Variants in PTGFR observed in about 807,000 individuals in gnomAD.
PTGFR encodes prostaglandin F2-alpha receptor.
In PTGFR, 15 loss-of-function variants were observed where a neutral mutation model predicts 26.2. The ratio of observed to expected loss-of-function variants is 0.57; its 90% CI spans 0.38 to 0.88. The LOEUF (loss-of-function observed/expected upper bound fraction) is 0.88. Ranked by LOEUF, PTGFR falls within the 40% of genes least tolerant of loss-of-function variation. The pLI, the probability that PTGFR is intolerant of heterozygous loss-of-function variation, is 0.00. For missense variants in PTGFR, 369 were observed against 427.2 expected (o/e 0.86, Z 1.20); for synonymous variants, 165 against 151.1 (o/e 1.09, Z -0.68).
At chr1:78,491,479 C>G (rs560885700) in intron 1 of PTGFR, among the ~76,000 whole-genome samples, 8 of 152,326 alleles carry the variant, frequency 5.3e-5, no homozygotes, top group Admixed American at 3.9e-4. Context: ...AGAGGGAAAT[C>G]GGCACAGATT....
intron 2 of PTGFR, among the ~76,000 whole-genome samples, chr1:78,508,102 A>T (rs1557651445): frequency 6.6e-6 from 1 of 151,724 alleles, no homozygotes; most frequent in Admixed American, 6.6e-5. Flanking sequence ...TTTTAACCTG[A>T]TTTTTTTTAA....
rs531443521 is a variant in PTGFR at position 78,498,748 on chromosome 1, C to G, written c.798+5207C>G. ...CAAACAAAATGGACTGTTCTATAGT[C>G]TTATATTAGATCTTGGAATATAGGT... On this transcript the variant is annotated intron_variant, in intron 2 of 2. Transcript: ENST00000370757. 2.6e-5 allele frequency among the ~76,000 whole-genome samples: 4 copies of G among 152,222 alleles called. No homozygotes were observed. The South Asian group carries it at 6.2e-4, about 24-fold the overall frequency.
chr1:78,529,542 G>C (rs1393000692), intron 2 of PTGFR, among the ~76,000 whole-genome samples: 1 of 152,020 alleles, frequency 6.6e-6, no homozygotes. Flanking sequence ...CCAAAGTAAG[G>C]CATATATACA....
At chr1:78,508,456 A>C (rs900410774) in intron 2 of PTGFR, among the ~76,000 whole-genome samples, 1 of 152,120 alleles carries the variant, frequency 6.6e-6, no homozygotes, top group Non-Finnish European at 1.5e-5. Flanking sequence ...TTGAATCATC[A>C]TGCCCTTCAT....
At chr1:78,508,756 T>C (rs931822144) in intron 2 of PTGFR, among the ~76,000 whole-genome samples, 68 of 152,318 alleles carry the variant, frequency 4.5e-4, no homozygotes, top group African/African-American at 1.6e-3. Flanking sequence ...CAGAGGGTCA[T>C]TGTTACTTTA....
At chr1:78,530,791 G>A (rs1245755329) in intron 2 of PTGFR, among the ~76,000 whole-genome samples, 1 of 152,142 alleles carries the variant, frequency 6.6e-6, no homozygotes, top group Non-Finnish European at 1.5e-5. Flanking sequence ...GCACCACTGG[G>A]AATGGTGTAG....
Position 78,493,140 on chromosome 1 carries a change from C to T in PTGFR, c.397C>T (p.Arg133Trp), listed in dbSNP as rs769693596. 10 of 1,614,038 alleles carry T rather than the reference C, an allele frequency of 6.2e-6. No homozygotes were observed. Among genetic ancestry groups the T allele is most frequent in the Admixed American group, 3.3e-5 (2 of 60,004 alleles). Residue 133 changes from arginine (R) to tryptophan (W), a missense_variant, in exon 2 of 3, where the codon CGG becomes TGG. Physicochemically the swap from Arg to Trp is moderately radical, Grantham distance 101. Coordinates refer to ENST00000370757, the MANE Select transcript of PTGFR (RefSeq NM_000959.4). Reference sequence around the variant, plus strand: ...TCTAGGCAGTGTGATGGCCATTGAGCGGTGTATTGGAGTCACAAAACCAAT... The same window carrying T: ...TCTAGGCAGTGTGATGGCCATTGAGTGGTGTATTGGAGTCACAAAACCAAT... ...LLLGSVMAIE[R>W]CIGVTKPIFH...
rs1257033703 is a variant in PTGFR, at chr1:78,536,432, T to C, written c.825T>C (p.Asn275=). 1.2e-6 allele frequency: 2 copies of C among 1,612,212 alleles called. No homozygotes were observed. The highest frequency in any genetic ancestry group is 1.6e-4 in the Middle Eastern group (1 of 6,066). ...TTACAATGGCCAACATTGGAATAAA[T>C]GGAAATCATTCTCTGGAAACCTGTG... ...FLVTMANIGI[N]GNHSLETCET... Residue 275 remains asparagine (N), a synonymous_variant, in exon 3 of 3, where the codon AAT becomes AAC. Coordinates refer to ENST00000370757, the MANE Select transcript of PTGFR (RefSeq NM_000959.4).
rs1052403717 is a variant in PTGFR at position 78,539,941 on chromosome 1, C to G, written c.*3254C>G. 3.9e-5 allele frequency among the ~76,000 whole-genome samples: 6 copies of G among 151,990 alleles called. No homozygotes were observed. The East Asian group carries it at 1.2e-3, about 29-fold the overall frequency. ...TGTGTCTCAACTTACCTAGGCAAGT[C>G]ATAATTTAGATAGAAATCTGATTTC... On this transcript the variant is annotated 3_prime_UTR_variant, in exon 3 of 3. Transcript: ENST00000370757.
chr1:78,521,635 A>AT (rs1285778363), intron 2 of PTGFR, among the ~76,000 whole-genome samples: 1 of 152,032 alleles, frequency 6.6e-6, no homozygotes, highest in Non-Finnish European at 1.5e-5. Context: ...GAGTCTAATC[A>AT]TTTTTTTAGG....
At position 78,511,633 on chromosome 1, in the gene PTGFR, C is replaced by T. The variant is rs185408739; in HGVS notation, c.798+18092C>T. ...TTCTGAAATGGCTTTGAGGCTTTTC[C>T]CTCATTGTCTTGTATATTAGCACAT... On this transcript the variant is annotated intron_variant, in intron 2 of 2. Coordinates refer to ENST00000370757, the MANE Select transcript of PTGFR (RefSeq NM_000959.4). Among the ~76,000 whole-genome samples the T allele has an allele frequency of 2.0e-4, 31 of 152,268 alleles. No homozygotes were observed. In the Middle Eastern group the frequency reaches 0.014, roughly 67 times the overall value.
At chr1:78,518,472 G>A (rs1218761220) in intron 2 of PTGFR, among the ~76,000 whole-genome samples, 2 of 151,284 alleles carry the variant, frequency 1.3e-5, no homozygotes, top group African/African-American at 4.9e-5. Context: ...TCTATTTCTT[G>A]ACCCTAGAGA....
chr1:78,524,390 C>A (rs1650318294), intron 2 of PTGFR, among the ~76,000 whole-genome samples: 1 of 151,968 alleles, frequency 6.6e-6, no homozygotes, highest in African/African-American at 2.4e-5. Flanking sequence ...ACTTCAGAAC[C>A]AAATACCTAG....
Position 78,537,635 on chromosome 1 carries a change from A to C in PTGFR, c.*948A>C, listed in dbSNP as rs1257804375. ...CAGAATCAATATATAAAATTCAAAGACTATCTGCAGCTAGTGTGTTTCTTC... is the reference window on the plus strand; with the variant it reads ...CAGAATCAATATATAAAATTCAAAGCCTATCTGCAGCTAGTGTGTTTCTTC... On this transcript the variant is annotated 3_prime_UTR_variant, in exon 3 of 3. Coordinates refer to ENST00000370757, the MANE Select transcript of PTGFR (RefSeq NM_000959.4). 1 of 152,124 alleles carries C rather than the reference A, an allele frequency of 6.6e-6. No individual in the cohort carries two copies. The highest frequency in any genetic ancestry group is 6.6e-5 in the Admixed American group (1 of 15,232). 9.4% of individuals were successfully genotyped at this position (152,124 alleles called of 1,614,324 possible).
intron 2 of PTGFR, among the ~76,000 whole-genome samples, chr1:78,525,692 T>A (rs1240931179): frequency 6.6e-6 from 1 of 152,102 alleles, no homozygotes; most frequent in Admixed American, 6.6e-5. Flanking sequence ...ATCACATGGT[T>A]GGTCTTTCAA....
chr1:78,520,751 C>A (rs1650203319), intron 2 of PTGFR, among the ~76,000 whole-genome samples: 1 of 151,956 alleles, frequency 6.6e-6, no homozygotes, highest in Non-Finnish European at 1.5e-5. Flanking sequence ...ATAATTTGAT[C>A]TAGTACGCTG....
At chr1:78,534,457 T>C (rs1650596497) in intron 2 of PTGFR, among the ~76,000 whole-genome samples, 1 of 152,190 alleles carries the variant, frequency 6.6e-6, no homozygotes, top group South Asian at 2.1e-4. Context: ...TCCATAGAGA[T>C]GTACACAAAT....
At position 78,540,505 on chromosome 1, in the gene PTGFR, T is replaced by A. The variant is rs944284149; in HGVS notation, c.*3818T>A. 2.0e-5 allele frequency among the ~76,000 whole-genome samples: 3 copies of A among 152,112 alleles called. No individual in the cohort carries two copies. Among genetic ancestry groups the A allele is most frequent in the African/African-American group, 7.2e-5 (3 of 41,444 alleles). ...TTTGTAAGTACTGACAAGCATGGTC[T>A]TGTAATCTGTAAAGATAAGGTAGAA... On this transcript the variant is annotated 3_prime_UTR_variant, in exon 3 of 3. Coordinates refer to ENST00000370757, the MANE Select transcript of PTGFR (RefSeq NM_000959.4).
At chr1:78,497,917 A>G (rs570540418) in intron 2 of PTGFR, 1 of 1,593,432 alleles carries the variant, frequency 6.3e-7, no homozygotes, top group East Asian at 2.2e-5. Context: ...TATAAAGTAT[A>G]TGAAGAGCAA....
Sources: allele counts gnomAD v4.1 joint callset (sites outside exome capture counted in the v4.1 genomes callset), GRCh38; gene constraint gnomAD v4.1.1; transcripts MANE v1.5; gene names NCBI Gene and HGNC (gene_info 2026-07-23, HGNC 2026-07-21).